MMEL1: variants seen among roughly 807,000 people sequenced by gnomAD.
The protein encoded by MMEL1 is membrane metallo-endopeptidase-like 1.
In MMEL1, 98 loss-of-function variants were observed where a neutral mutation model predicts 117.1. The observed-to-expected ratio is 0.84, with a 90% CI of 0.71 to 0.99. The LOEUF is 0.99. Among genes scored for constraint, MMEL1 ranks in the 50% least tolerant of loss-of-function variants. MMEL1 has a pLI of 0.00. For missense variants in MMEL1, 1,014 were observed against 1,049.1 expected, an observed-to-expected ratio of 0.97 and a Z score of 0.46; for synonymous variants, 390 against 415.1, an observed-to-expected ratio of 0.94 and a Z score of 0.74.
Position 2,604,135 on chromosome 1 carries a change from C to CCCCCCCCCAAACAAG in MMEL1, c.951+11_951+12insCTTGTTTGGGGGGGG. ...CTCGCTGCCCGCTCCCCACCCGCCCCGGCCCCCTTACCTTGGCCAGCTGTG... is the reference window on the plus strand; with the variant it reads ...CTCGCTGCCCGCTCCCCACCCGCCCCCCCCCCCCAAACAAGGGCCCCCTTACCTTGGCCAGCTGTG... On this transcript the variant is annotated intron_variant, in intron 10 of 23. Coordinates refer to ENST00000378412, the MANE Select transcript of MMEL1 (RefSeq NM_033467.4). The CCCCCCCCCAAACAAG allele has an allele frequency of 3.9e-6, 6 of 1,520,160 alleles. No homozygotes were observed. Among genetic ancestry groups the CCCCCCCCCAAACAAG allele is most frequent in the South Asian group, 1.1e-5 (1 of 88,220 alleles). 94.2% of individuals were successfully genotyped at this position (1,520,160 alleles called of 1,614,324 possible).
rs762506697 is a variant in MMEL1 at position 2,595,745 on chromosome 1, G to C, written c.1500+264C>G. 6.6e-6 allele frequency among the ~76,000 whole-genome samples: 1 copy of C among 152,132 alleles called. No individual in the cohort carries two copies. Among genetic ancestry groups the C allele is most frequent in the Non-Finnish European group, 1.5e-5 (1 of 68,010 alleles). On this transcript the variant is annotated intron_variant, in intron 15 of 23. Coordinates refer to ENST00000378412, the MANE Select transcript of MMEL1 (RefSeq NM_033467.4). The surrounding 1 kb of genome is among the most constrained non-coding windows in gnomAD (Gnocchi z 4.8). ...CCCGCTGGCTCATGGGGGGTGCTGG[G>C]GATGTCCCAGGCCTGGTTCCTGCCC...
At chr1:2,591,723 C>T in intron 22 of MMEL1, 90 bp from the exon 23 acceptor site, 5 of 1,198,112 alleles carry the variant, frequency 4.2e-6, no homozygotes, top group South Asian at 2.4e-5. Context: ...CAGGCTGCCC[C>T]TTCTAGGGTG....
intron 22 of MMEL1, 95 bp downstream of exon 22, chr1:2,591,837 T>C: frequency 7.6e-7 from 1 of 1,312,162 alleles, no homozygotes; most frequent in Non-Finnish European, 1.1e-6. Context: ...GGGCCTTCCA[T>C]GCTGGGCTCT....
At chr1:2,609,314 C>A in intron 6 of MMEL1, 25 bp downstream of exon 6, 1 of 1,602,122 alleles carries the variant, frequency 6.2e-7, no homozygotes, top group Non-Finnish European at 8.5e-7. Flanking sequence ...CCTGCCTCGG[C>A]CCCTTCCTGG....
rs1042217745 is a variant in MMEL1 at position 2,627,212 on chromosome 1, A to G, written c.154+2119T>C. On this transcript the variant is annotated intron_variant, in intron 2 of 23. Coordinates refer to ENST00000378412, the MANE Select transcript of MMEL1 (RefSeq NM_033467.4). ...ACTACAATATTAAATTTATGAAACTAATTTTATAATTCATACCTAAATTTG... is the reference window on the plus strand; with the variant it reads ...ACTACAATATTAAATTTATGAAACTGATTTTATAATTCATACCTAAATTTG... 2.0e-5 allele frequency among the ~76,000 whole-genome samples: 3 copies of G among 152,258 alleles called. No individual in the cohort carries two copies. In the East Asian group the frequency reaches 5.8e-4, roughly 29 times the overall value.
Position 2,603,981 on chromosome 1 carries a change from G to A in MMEL1, c.952-8C>T, listed in dbSNP as rs764826083. On this transcript the variant is annotated splice_region_variant and splice_polypyrimidine_tract_variant and intron_variant, in intron 10 of 23. Coordinates refer to ENST00000378412, the MANE Select transcript of MMEL1 (RefSeq NM_033467.4). ...CTCCTGGGGTACCGTGGCCTGTGCCGGGGATAGCAGTCACACGGGCGGGTG... is the reference window on the plus strand; with the variant it reads ...CTCCTGGGGTACCGTGGCCTGTGCCAGGGATAGCAGTCACACGGGCGGGTG... 10 of 1,613,262 alleles carry A rather than the reference G, an allele frequency of 6.2e-6. No individual in the cohort carries two copies. Among genetic ancestry groups the A allele is most frequent in the South Asian group, 2.2e-5 (2 of 91,084 alleles).
intron 2 of MMEL1, among the ~76,000 whole-genome samples, chr1:2,629,094 G>T (rs1003281569): frequency 6.6e-6 from 1 of 152,120 alleles, no homozygotes; most frequent in Non-Finnish European, 1.5e-5. Context: ...CGCGGGAGTC[G>T]GGGCCGGGGC....
intron 11 of MMEL1, among the ~76,000 whole-genome samples, chr1:2,601,079 T>G (rs1344035580): frequency 6.6e-6 from 1 of 152,214 alleles, no homozygotes; most frequent in Non-Finnish European, 1.5e-5. Flanking sequence ...TTTCTTTTTG[T>G]GTGTGTGCGT....
intron 1 of MMEL1, 64 bp downstream of exon 1, chr1:2,632,802 G>A (rs937592565): frequency 1.1e-5 from 10 of 942,472 alleles, no homozygotes; most frequent in Non-Finnish European, 1.3e-5. Context: ...GCCCAGGAGA[G>A]GGCCTGGAGA....
At chr1:2,617,586 C>T (rs578162275) in intron 2 of MMEL1, among the ~76,000 whole-genome samples, 3 of 151,978 alleles carry the variant, frequency 2.0e-5, no homozygotes, top group East Asian at 1.9e-4. Context: ...GGCGACAGAG[C>T]GAGATTCTAT....
At chr1:2,597,475 C>T (rs1372428636) in intron 13 of MMEL1, among the ~76,000 whole-genome samples, 1 of 152,090 alleles carries the variant, frequency 6.6e-6, no homozygotes, top group African/African-American at 2.4e-5. Flanking sequence ...AGCCCCTATA[C>T]CCAATCCCTC....
chr1:2,625,160 C>A (rs1638220306), intron 2 of MMEL1, among the ~76,000 whole-genome samples: 1 of 152,166 alleles, frequency 6.6e-6, no homozygotes, highest in Non-Finnish European at 1.5e-5. Context: ...AATCTCATGT[C>A]CTTCTCACAT....
At chr1:2,605,703 C>A in intron 8 of MMEL1, 80 bp from the exon 9 acceptor site, 1 of 1,069,480 alleles carries the variant, frequency 9.4e-7, no homozygotes, top group Non-Finnish European at 1.4e-6. Context: ...CAGCCGCCTC[C>A]CCACAGGACT....
chr1:2,608,904 A>C (rs12046118), intron 6 of MMEL1, among the ~76,000 whole-genome samples: 69,301 of 143,344 alleles, frequency 0.48, 17,474 homozygotes, highest in African/African-American at 0.7. Flanking sequence ...TACATGCATG[A>C]ACACATATAT....
At chr1:2,632,612 G>A (rs1309410612) in intron 1 of MMEL1, 4 of 184,800 alleles carry the variant, frequency 2.2e-5, no homozygotes, top group Admixed American at 1.5e-4. Flanking sequence ...AAGGCACTGC[G>A]GCTCCCTGGG....
chr1:2,600,605 G>A (rs1042856566), intron 11 of MMEL1, among the ~76,000 whole-genome samples: 1 of 152,104 alleles, frequency 6.6e-6, no homozygotes, highest in Middle Eastern at 3.4e-3. Context: ...CAGGAGGCTT[G>A]AGCCCAAGAG....
chr1:2,594,330 C>T (rs905272657), intron 18 of MMEL1, 55 bp downstream of exon 18: 245 of 1,531,332 alleles, frequency 1.6e-4, no homozygotes, highest in Non-Finnish European at 2.1e-4. Context: ...TGCAAGCCAC[C>T]CCTTCAACTC....
chr1:2,630,352 C>G (rs1418421942), intron 1 of MMEL1, among the ~76,000 whole-genome samples: 2 of 152,002 alleles, frequency 1.3e-5, no homozygotes, highest in African/African-American at 2.4e-5. Flanking sequence ...ATGTGTATGA[C>G]TGTGCGTGTG....
At chr1:2,600,977 T>C (rs2985859) in intron 11 of MMEL1, among the ~76,000 whole-genome samples, 89,080 of 151,996 alleles carry the variant, frequency 0.59, 27,095 homozygotes, top group Non-Finnish European at 0.68. Context: ...GAAGCATATA[T>C]CATGTTCATG....
Sources: allele counts gnomAD v4.1 joint callset (sites outside exome capture counted in the v4.1 genomes callset), GRCh38; gene constraint gnomAD v4.1.1; non-coding constraint Gnocchi (gnomAD v3.1); transcripts MANE v1.5; gene names NCBI Gene and HGNC (gene_info 2026-07-23, HGNC 2026-07-21).